The following IQGAP2 variants were observed in gnomAD, a reference collection of about 807,000 sequenced individuals.
IQGAP2 encodes the protein ras GTPase-activating-like protein IQGAP2.
IQGAP2 carries 173 observed loss-of-function variants against 201.3 expected under a neutral mutation model. The observed-to-expected ratio is 0.86, with a 90% CI of 0.76 to 0.98. The LOEUF is 0.98. Among genes scored for constraint, IQGAP2 ranks in the 50% least tolerant of loss-of-function variants. The probability of loss-of-function intolerance (pLI) is 0.00; values close to 1 mark genes in which losing one functional copy is unlikely to be tolerated. For synonymous variants in IQGAP2, 675 were observed against 673.9 expected (o/e 1.00, Z -0.03); for missense variants, 1,687 against 1,864.8 (o/e 0.90, Z 1.76).
chr5:76,406,879 G>A (rs1005668202), intron 1 of IQGAP2, among the ~76,000 whole-genome samples: 2 of 152,212 alleles, frequency 1.3e-5, no homozygotes, highest in South Asian at 2.1e-4. Context: ...AAAAATTGGG[G>A]ATCAATGTTT....
intron 5 of IQGAP2, among the ~76,000 whole-genome samples, chr5:76,587,740 G>A (rs991337978): frequency 8.6e-5 from 13 of 151,920 alleles, no homozygotes; most frequent in African/African-American, 3.1e-4. Flanking sequence ...TCAGGAGTTC[G>A]AGACCAGCCT....
At chr5:76,499,053 G>T (rs1757138494) in intron 2 of IQGAP2, among the ~76,000 whole-genome samples, 1 of 152,236 alleles carries the variant, frequency 6.6e-6, no homozygotes, top group South Asian at 2.1e-4. Context: ...AACAGAGCAG[G>T]GATGTGTGAT....
At chr5:76,512,734 A>G (rs1215454918) in intron 2 of IQGAP2, among the ~76,000 whole-genome samples, 5 of 152,248 alleles carry the variant, frequency 3.3e-5, no homozygotes, top group South Asian at 2.1e-4. Context: ...GCCTCTATCA[A>G]CTATATACTA....
At chr5:76,619,038 A>G (rs1409029074) in intron 13 of IQGAP2, among the ~76,000 whole-genome samples, 2 of 152,220 alleles carry the variant, frequency 1.3e-5, no homozygotes, top group Non-Finnish European at 2.9e-5. Flanking sequence ...GGTTCCTAAA[A>G]AGATGGAATT....
At chr5:76,459,487 T>C (rs973811472) in intron 1 of IQGAP2, among the ~76,000 whole-genome samples, 18 of 152,092 alleles carry the variant, frequency 1.2e-4, no homozygotes, top group Non-Finnish European at 2.5e-4. Flanking sequence ...AAATATCCTG[T>C]CAGAAATGGG....
At chr5:76,552,511 A>C (rs370100778) in intron 2 of IQGAP2, among the ~76,000 whole-genome samples, 17 of 152,360 alleles carry the variant, frequency 1.1e-4, no homozygotes, top group African/African-American at 3.8e-4. Flanking sequence ...GTGGCAAGGA[A>C]AGCACAACAG....
At position 76,597,616 on chromosome 5, in the gene IQGAP2, G is replaced by A. The variant is rs1747128686; in HGVS notation, c.1071+14G>A. On this transcript the variant is annotated intron_variant, in intron 10 of 35. Coordinates refer to ENST00000274364, the MANE Select transcript of IQGAP2 (RefSeq NM_006633.5). Reference sequence around the variant, plus strand: ...CAGAACACCATGGTAAGTCAGAGGAGACCCCAGCTGTGGGGACGGTAACCC... The same window carrying A: ...CAGAACACCATGGTAAGTCAGAGGAAACCCCAGCTGTGGGGACGGTAACCC... The A allele has an allele frequency of 6.2e-7, 1 of 1,613,592 alleles. No homozygotes were observed. The highest frequency in any genetic ancestry group is 8.5e-7 in the Non-Finnish European group (1 of 1,179,816).
At chr5:76,674,751 T>C (rs1347447334) in intron 27 of IQGAP2, 42 bp downstream of exon 27, 3 of 1,376,802 alleles carry the variant, frequency 2.2e-6, no homozygotes, top group African/African-American at 2.9e-5. Flanking sequence ...GCAAGAATGG[T>C]AGGCAAGAAT....
chr5:76,529,798 A>G (rs1759185224), intron 2 of IQGAP2, among the ~76,000 whole-genome samples: 1 of 152,020 alleles, frequency 6.6e-6, no homozygotes, highest in African/African-American at 2.4e-5. Context: ...TATTTTTGCA[A>G]TCTTAGAATT....
chr5:76,637,021 CT>C lies in IQGAP2; in HGVS notation c.1781-7del. The C allele has an allele frequency of 6.3e-7, 1 of 1,584,558 alleles. No individual in the cohort carries two copies. The highest frequency in any genetic ancestry group is 8.6e-7 in the Non-Finnish European group (1 of 1,167,264). ...CTGTGTCTGTGTAGAATTTAACAAA[CT>C]TTTTTCTTTAGTGTCTAGTGACGGT... On this transcript the variant is annotated splice_polypyrimidine_tract_variant and intron_variant, in intron 15 of 35. Transcript: ENST00000274364.
rs577397203 is a variant in IQGAP2 at position 76,576,004 on chromosome 5, A to G, written c.458+235A>G. On this transcript the variant is annotated intron_variant, in intron 5 of 35. Transcript: ENST00000274364. ...CTAACTCAAAATAGAAAACCAGAAAATGATTGAAAACCATTAAGTACAATA... is the reference window on the plus strand; with the variant it reads ...CTAACTCAAAATAGAAAACCAGAAAGTGATTGAAAACCATTAAGTACAATA... Among the ~76,000 whole-genome samples the G allele has an allele frequency of 3.3e-5, 5 of 152,364 alleles. No individual in the cohort carries two copies. In the South Asian group the frequency reaches 8.3e-4, roughly 25 times the overall value.
intron 2 of IQGAP2, among the ~76,000 whole-genome samples, chr5:76,511,371 G>A (rs6863415): frequency 0.028 from 4,251 of 152,234 alleles, 194 homozygotes; most frequent in African/African-American, 0.097. Context: ...AGGAGTGGGG[G>A]AAGAAGAAGG....
chr5:76,615,080 G>A (rs925099908), intron 13 of IQGAP2, among the ~76,000 whole-genome samples: 1 of 152,156 alleles, frequency 6.6e-6, no homozygotes, highest in African/African-American at 2.4e-5. Context: ...TTGAGTAATG[G>A]TCATGTTGAC....
At chr5:76,463,979 C>G (rs1337715115) in intron 2 of IQGAP2, among the ~76,000 whole-genome samples, 2 of 151,836 alleles carry the variant, frequency 1.3e-5, no homozygotes, top group Admixed American at 6.6e-5. Context: ...TCCCAAGCAG[C>G]TGAGATTACA....
At chr5:76,655,651 G>C (rs529221504) in intron 20 of IQGAP2, among the ~76,000 whole-genome samples, 2 of 152,142 alleles carry the variant, frequency 1.3e-5, no homozygotes, top group East Asian at 3.9e-4. Context: ...GTTTCACCAT[G>C]TGTGCCAGGC....
intron 2 of IQGAP2, among the ~76,000 whole-genome samples, chr5:76,522,824 T>G (rs558982440): frequency 1.6e-4 from 25 of 152,322 alleles, no homozygotes; most frequent in African/African-American, 5.5e-4. Flanking sequence ...CCACTTACTT[T>G]GAATATCACT....
chr5:76,636,264 A>G (rs372060297), intron 15 of IQGAP2, among the ~76,000 whole-genome samples: 3 of 152,204 alleles, frequency 2.0e-5, no homozygotes, highest in Non-Finnish European at 2.9e-5. Flanking sequence ...TTTAGCTCTC[A>G]GGTCTGGGGA....
chr5:76,684,025 G>T, intron 30 of IQGAP2, 108 bp downstream of exon 30: 1 of 988,440 alleles, frequency 1.0e-6, no homozygotes, highest in Non-Finnish European at 1.4e-6. Flanking sequence ...TGTGAACATT[G>T]AAATCTATTA....
At chr5:76,476,964 C>T (rs941005039) in intron 2 of IQGAP2, among the ~76,000 whole-genome samples, 4 of 152,130 alleles carry the variant, frequency 2.6e-5, no homozygotes, top group African/African-American at 9.7e-5. Flanking sequence ...GCAACAGCCT[C>T]TTATGTTTAC....
Sources: allele counts gnomAD v4.1 joint callset (sites outside exome capture counted in the v4.1 genomes callset), GRCh38; gene constraint gnomAD v4.1.1; transcripts MANE v1.5; gene names NCBI Gene and HGNC (gene_info 2026-07-23, HGNC 2026-07-21).